Variants in TDRD5 observed in about 807,000 individuals in gnomAD.
The protein encoded by TDRD5 is tudor domain-containing protein 5.
Under a neutral mutation model 120.6 loss-of-function variants are expected in TDRD5, and 41 were observed. The ratio of observed to expected loss-of-function variants is 0.34; its 90% CI spans 0.26 to 0.44. The LOEUF is 0.44. Ranked by LOEUF, TDRD5 falls within the 20% of genes least tolerant of loss-of-function variation. The pLI is 1.00. For synonymous variants in TDRD5, 430 were observed against 433.7 expected (o/e 0.99, Z 0.11); for missense variants, 1,006 against 1,221.2 (o/e 0.82, Z 2.63).
intron 11 of TDRD5, among the ~76,000 whole-genome samples, 164 bp from the exon 12 acceptor site, chr1:179,650,703 T>C (rs1270727181): frequency 2.0e-5 from 3 of 152,230 alleles, no homozygotes; most frequent in Non-Finnish European, 4.4e-5. Context: ...ATTCTGACTT[T>C]TCTCATCCCC....
intron 17 of TDRD5, among the ~76,000 whole-genome samples, chr1:179,675,276 T>A (rs202133541): frequency 0.036 from 1,201 of 33,044 alleles, 5 homozygotes; most frequent in African/African-American, 0.11. Context: ...TATTATTATT[T>A]TTTTTTTTTT....
chr1:179,639,822 A>G lies in TDRD5; in HGVS notation c.1521-17A>G, dbSNP rs1292432772. 9 of 1,612,098 alleles carry G rather than the reference A, an allele frequency of 5.6e-6. No individual in the cohort carries two copies. Among genetic ancestry groups the G allele is most frequent in the Non-Finnish European group, 2.5e-6 (3 of 1,178,750 alleles). ...TTTCTTCCCCTATGGATTTCTCTGTATTATGGAATTCCACAGGCGCTGTTA... is the reference window on the plus strand; with the variant it reads ...TTTCTTCCCCTATGGATTTCTCTGTGTTATGGAATTCCACAGGCGCTGTTA... On this transcript the variant is annotated splice_polypyrimidine_tract_variant and intron_variant, in intron 9 of 17. Transcript: ENST00000444136.
At chr1:179,651,156 G>A (rs1678690882) in intron 12 of TDRD5, 89 bp downstream of exon 12, 2 of 1,413,376 alleles carry the variant, frequency 1.4e-6, no homozygotes, top group African/African-American at 2.9e-5. Flanking sequence ...AGTTTATTTG[G>A]TTTATTCTTT....
rs141566468 is a variant in TDRD5 at position 179,669,034 on chromosome 1, G to A, written c.2650-160G>A. 9.1e-3 allele frequency among the ~76,000 whole-genome samples: 1,383 copies of A among 152,138 alleles called. 47 individuals carry two copies. Among genetic ancestry groups the A allele is most frequent in the East Asian group, 0.063 (327 of 5,164 alleles). ...GCTAGGATTACAGGCGTGAGCCACC[G>A]CGCCCGGCTGAGAGTATCTAGGTTC... On this transcript the variant is annotated intron_variant, in intron 16 of 17. Coordinates refer to ENST00000444136, the MANE Select transcript of TDRD5 (RefSeq NM_001199085.3).
chr1:179,675,277 T>TATTTTA (rs757313370), intron 17 of TDRD5, among the ~76,000 whole-genome samples: 1 of 125,222 alleles, frequency 8.0e-6, no homozygotes, highest in African/African-American at 3.2e-5. Context: ...ATTATTATTT[T>TATTTTA]TTTTTTTTTT....
Position 179,630,906 on chromosome 1 carries a change from A to G in TDRD5, c.1112A>G (p.Lys371Arg). 6.2e-7 allele frequency: 1 copy of G among 1,613,174 alleles called. No individual in the cohort carries two copies. Among genetic ancestry groups the G allele is most frequent in the Admixed American group, 1.7e-5 (1 of 59,904 alleles). The change falls in exon 7 of 18, where the codon AAG (lysine) becomes AGG (arginine). Residue 371 changes from lysine (K) to arginine (R), a missense_variant. Lys to Arg is a conservative substitution (Grantham distance 26). This residue lies in a region of TDRD5 where 445 missense variants were observed against 515.5 expected (regional missense o/e 0.86). Transcript: ENST00000444136. ...TTACTAGTGTTTGATGCGGATAAGA[A>G]GCCTCTACCACCTGGTGAGTGGAAC... ...QDLLVFDADK[K>R]PLPPVQSDKK...
chr1:179,669,264 C>A lies in TDRD5; in HGVS notation c.2720C>A (p.Thr907Asn), dbSNP rs1558420124. Reference sequence around the variant, plus strand: ...TTGGAAGAATTCTGTACCTCTCTTACCCAGTCAGAGCAGTCAGCAGACGGG... The same window carrying A: ...TTGGAAGAATTCTGTACCTCTCTTAACCAGTCAGAGCAGTCAGCAGACGGG... ...PKLEEFCTSL[T>N]QSEQSADGSQ... is the part of the protein sequence containing the mutation. Residue 907 changes from threonine to asparagine, a missense_variant, in exon 17 of 18, where the codon ACC becomes AAC. Thr to Asn is a moderately conservative substitution (Grantham distance 65). This residue lies in a region of TDRD5 where 403 missense variants were observed against 448.1 expected (regional missense o/e 0.90). Coordinates refer to ENST00000444136, the MANE Select transcript of TDRD5 (RefSeq NM_001199085.3). 6.2e-7 allele frequency: 1 copy of A among 1,614,142 alleles called. No individual in the cohort carries two copies. Among genetic ancestry groups the A allele is most frequent in the East Asian group, 2.2e-5 (1 of 44,878 alleles).
chr1:179,622,993 G>A (rs1275536846), intron 6 of TDRD5, among the ~76,000 whole-genome samples: 1 of 152,138 alleles, frequency 6.6e-6, no homozygotes, highest in Non-Finnish European at 1.5e-5. Flanking sequence ...TCTGAAAGCA[G>A]CCAGACTAAA....
chr1:179,646,629 G>A (rs12161294), intron 11 of TDRD5, among the ~76,000 whole-genome samples: 47,891 of 146,764 alleles, frequency 0.33, 8,131 homozygotes, highest in Admixed American at 0.4. Context: ...GAAGGAAATA[G>A]AGGGTATTCA....
chr1:179,608,915 G>A (rs1370036660), intron 4 of TDRD5, among the ~76,000 whole-genome samples: 1 of 151,980 alleles, frequency 6.6e-6, no homozygotes, highest in African/African-American at 2.4e-5. Flanking sequence ...ATTAGAGTGG[G>A]TATTATAGAC....
At position 179,608,345 on chromosome 1, in the gene TDRD5, A is replaced by G. The variant is rs868585902; in HGVS notation, c.832-10254A>G. 4.6e-5 allele frequency among the ~76,000 whole-genome samples: 7 copies of G among 152,024 alleles called. No individual in the cohort carries two copies. The South Asian group carries it at 1.5e-3, about 32-fold the overall frequency. On this transcript the variant is annotated intron_variant, in intron 4 of 17. Transcript: ENST00000444136. ...TATGTGGGTTTATAATTTTCATGAAATCTAGAAATTTTGTCTTCAAATATT... is the reference window on the plus strand; with the variant it reads ...TATGTGGGTTTATAATTTTCATGAAGTCTAGAAATTTTGTCTTCAAATATT...
intron 17 of TDRD5, among the ~76,000 whole-genome samples, chr1:179,687,999 A>AT (rs1680840027): frequency 6.6e-6 from 1 of 151,446 alleles, no homozygotes; most frequent in Admixed American, 6.6e-5. Flanking sequence ...TCTTTATCCA[A>AT]TTTGCTAGTC....
At chr1:179,628,047 A>G (rs1322989589) in intron 6 of TDRD5, among the ~76,000 whole-genome samples, 1 of 152,194 alleles carries the variant, frequency 6.6e-6, no homozygotes, top group Non-Finnish European at 1.5e-5. Context: ...TTTAGAACAT[A>G]GCATAACTTA....
Position 179,659,472 on chromosome 1 carries a change from A to G in TDRD5, c.2323-2632A>G, listed in dbSNP as rs191766558. 9.1e-3 allele frequency among the ~76,000 whole-genome samples: 1,380 copies of G among 151,398 alleles called. 49 individuals carry two copies. The highest frequency in any genetic ancestry group is 0.064 in the East Asian group (327 of 5,134). On this transcript the variant is annotated intron_variant, in intron 14 of 17. Coordinates refer to ENST00000444136, the MANE Select transcript of TDRD5 (RefSeq NM_001199085.3). ...TGAATTGACCCTTTTATCATTATGA[A>G]ATGTCTTTATTCACAATTACTTTTT... is the stretch of plus-strand genomic sequence containing the variant.
intron 6 of TDRD5, among the ~76,000 whole-genome samples, chr1:179,629,564 ATCT>A (rs1479033193): frequency 6.6e-6 from 1 of 152,236 alleles, no homozygotes; most frequent in African/African-American, 2.4e-5. Context: ...CAAATTTATC[ATCT>A]TAGGATAATA....
intron 10 of TDRD5, 119 bp downstream of exon 10, chr1:179,640,170 C>T: frequency 8.6e-7 from 1 of 1,164,920 alleles, no homozygotes; most frequent in South Asian, 1.4e-5. Flanking sequence ...TTCCTTCCTT[C>T]TTCTTAGTGC....
rs959492845 is a variant in TDRD5 at position 179,638,618 on chromosome 1, G to C, written c.1521-1221G>C. On this transcript the variant is annotated intron_variant, in intron 9 of 17. Coordinates refer to ENST00000444136, the MANE Select transcript of TDRD5 (RefSeq NM_001199085.3). ...GTGGTGGGAGGGGGACACAGTTATAGAATCTTGCTGCTCCAGAATAGTGTG... is the reference window on the plus strand; with the variant it reads ...GTGGTGGGAGGGGGACACAGTTATACAATCTTGCTGCTCCAGAATAGTGTG... Among the ~76,000 whole-genome samples, 2 of 127,554 alleles carry C rather than the reference G, an allele frequency of 1.6e-5. 1 individual carries two copies. Among genetic ancestry groups the C allele is most frequent in the Admixed American group, 1.7e-4 (2 of 11,630 alleles). The allele number at this position is 127,554 out of a possible 152,430, so 83.7% of individuals were successfully genotyped here.
chr1:179,644,680 A>T (rs1219156689), intron 11 of TDRD5, among the ~76,000 whole-genome samples: 1 of 151,986 alleles, frequency 6.6e-6, no homozygotes, highest in African/African-American at 2.4e-5. Context: ...TTTGATGTTG[A>T]CATCTGTAGT....
At chr1:179,595,059 GT>G (rs200335703) in intron 3 of TDRD5, among the ~76,000 whole-genome samples, 1 of 149,580 alleles carries the variant, frequency 6.7e-6, no homozygotes, top group African/African-American at 2.5e-5. Flanking sequence ...TTTTGTTTTT[GT>G]TTTTTTTTGG....
Sources: gnomAD v4.1 joint callset for allele counts (sites outside exome capture counted in the v4.1 genomes callset) on GRCh38, gnomAD v4.1.1 for gene constraint, gnomAD v4.1.1 regional missense constraint, MANE v1.5 for transcripts, NCBI Gene and HGNC (gene_info 2026-07-23, HGNC 2026-07-21) for gene names.